CSMD1: variants seen among roughly 807,000 people sequenced by gnomAD.
CSMD1 encodes CUB and sushi domain-containing protein 1.
Under a neutral mutation model 417.5 loss-of-function variants are expected in CSMD1, and 213 were observed. That is an observed-to-expected ratio of 0.51 (90% CI 0.46 to 0.57). The LOEUF (loss-of-function observed/expected upper bound fraction) is 0.57. Among genes scored for constraint, CSMD1 ranks in the 20% least tolerant of loss-of-function variants. CSMD1 has a pLI of 0.00. For synonymous variants in CSMD1, 2,862 were observed against 1,736.8 expected (o/e 1.65, Z -16.11); for missense variants, 6,923 against 4,529.7 (o/e 1.53, Z -15.17).
At chr8:3,878,956 T>A (rs374593855) in intron 5 of CSMD1, among the ~76,000 whole-genome samples, 3 of 152,222 alleles carry the variant, frequency 2.0e-5, no homozygotes, top group South Asian at 4.1e-4. Flanking sequence ...TATGACTAAG[T>A]TTTTAAAATC....
At chr8:3,562,062 G>T (rs1799489642) in intron 10 of CSMD1, among the ~76,000 whole-genome samples, 1 of 151,862 alleles carries the variant, frequency 6.6e-6, no homozygotes, top group Non-Finnish European at 1.5e-5. Context: ...ACACTCTGCA[G>T]GTTTAGAGTA....
Position 4,314,967 on chromosome 8 carries a change from G to T in CSMD1, c.415+104986C>A, listed in dbSNP as rs531270851. 3.3e-5 allele frequency among the ~76,000 whole-genome samples: 5 copies of T among 152,224 alleles called. No individual in the cohort carries two copies. The East Asian group carries it at 7.7e-4, about 24-fold the overall frequency. ...TTGACATTCTACATGGTGGGAGGAG[G>T]TTTCACCTTCCCACATGGCTAATAG... On this transcript the variant is annotated intron_variant, in intron 3 of 69. Coordinates refer to ENST00000635120, the MANE Select transcript of CSMD1 (RefSeq NM_033225.6).
At chr8:3,215,847 G>C (rs1432949914) in intron 29 of CSMD1, among the ~76,000 whole-genome samples, 1 of 151,880 alleles carries the variant, frequency 6.6e-6, no homozygotes, top group Non-Finnish European at 1.5e-5. Flanking sequence ...GGAAGAAAAA[G>C]AGACCTGATT....
intron 3 of CSMD1, among the ~76,000 whole-genome samples, chr8:4,041,355 T>C (rs996731676): frequency 2.0e-5 from 3 of 152,126 alleles, no homozygotes; most frequent in East Asian, 1.9e-4. Context: ...AATTAATCCA[T>C]ATATAAATTT....
Position 4,931,421 on chromosome 8 carries a change from T to A in CSMD1, c.85+62911A>T, listed in dbSNP as rs547366830. Among the ~76,000 whole-genome samples the A allele has an allele frequency of 1.1e-4, 16 of 152,294 alleles. No homozygotes were observed. The South Asian group carries it at 3.3e-3, about 32-fold the overall frequency. On this transcript the variant is annotated intron_variant, in intron 1 of 69. Coordinates refer to ENST00000635120, the MANE Select transcript of CSMD1 (RefSeq NM_033225.6). ...GACACTGACTCGGGTCTTTGCTGGC[T>A]GGTTACCTTTAGTTGCCAATTTCAA...
chr8:4,638,080 A>C (rs947105041), intron 1 of CSMD1, among the ~76,000 whole-genome samples: 1 of 152,224 alleles, frequency 6.6e-6, no homozygotes, highest in African/African-American at 2.4e-5. Flanking sequence ...GAAAATATGC[A>C]ACATTTTGTA....
chr8:3,529,585 G>T (rs1797892654), intron 10 of CSMD1, among the ~76,000 whole-genome samples: 1 of 152,176 alleles, frequency 6.6e-6, no homozygotes. Context: ...AGAATCACAG[G>T]AATGCGATGC....
chr8:3,509,661 C>T (rs1796981690), intron 10 of CSMD1, among the ~76,000 whole-genome samples: 1 of 152,150 alleles, frequency 6.6e-6, no homozygotes, highest in Non-Finnish European at 1.5e-5. Context: ...ATCAACCTAA[C>T]AAAAAGAAAA....
intron 10 of CSMD1, among the ~76,000 whole-genome samples, chr8:3,568,599 A>G (rs1434035915): frequency 6.6e-6 from 1 of 152,142 alleles, no homozygotes. Flanking sequence ...GTGTATATCA[A>G]TGTATTTATC....
At chr8:3,499,835 G>C (rs1796521308) in intron 10 of CSMD1, among the ~76,000 whole-genome samples, 1 of 152,140 alleles carries the variant, frequency 6.6e-6, no homozygotes, top group Admixed American at 6.6e-5. Context: ...CCTGTGGGCA[G>C]GATGTACTCT....
chr8:3,723,637 GTGTC>G (rs2129045251), intron 6 of CSMD1, among the ~76,000 whole-genome samples: 1 of 146,518 alleles, frequency 6.8e-6, no homozygotes, highest in South Asian at 2.4e-4. Flanking sequence ...TAGACAAGTA[GTGTC>G]TGTCTTTGTA....
chr8:3,349,538 G>C (rs12541077), intron 21 of CSMD1, among the ~76,000 whole-genome samples: 3,637 of 151,934 alleles, frequency 0.024, 74 homozygotes, highest in East Asian at 0.081. Context: ...TGTGGCTCTC[G>C]GGGTGCAAGT....
chr8:3,921,067 G>A (rs930197940), intron 5 of CSMD1, among the ~76,000 whole-genome samples: 4 of 152,070 alleles, frequency 2.6e-5, no homozygotes, highest in African/African-American at 7.2e-5. Context: ...TTAAATGTTC[G>A]ATAAAATTTA....
chr8:3,480,588 T>C (rs1817686705), intron 11 of CSMD1, among the ~76,000 whole-genome samples: 2 of 152,068 alleles, frequency 1.3e-5, no homozygotes. Context: ...CAAAAAAATC[T>C]AAGTTAACCT....
At chr8:3,948,134 G>C (rs563802768) in intron 5 of CSMD1, among the ~76,000 whole-genome samples, 2 of 152,274 alleles carry the variant, frequency 1.3e-5, no homozygotes, top group African/African-American at 4.8e-5. Flanking sequence ...TTAACCGAGA[G>C]GCTTAGGTTG....
chr8:3,563,430 C>T (rs775790461), intron 10 of CSMD1, among the ~76,000 whole-genome samples: 42 of 55,828 alleles, frequency 7.5e-4, no homozygotes, highest in Admixed American at 1.7e-3. Context: ...AAATAGGTAA[C>T]GTATTAAAAG....
intron 25 of CSMD1, among the ~76,000 whole-genome samples, chr8:3,291,504 C>G (rs960435900): frequency 2.0e-5 from 3 of 151,924 alleles, no homozygotes; most frequent in African/African-American, 2.4e-5. Flanking sequence ...CAATTTCAGA[C>G]CCTGTTATTG....
intron 10 of CSMD1, among the ~76,000 whole-genome samples, chr8:3,544,040 G>A (rs1022117407): frequency 6.6e-6 from 1 of 152,078 alleles, no homozygotes; most frequent in African/African-American, 2.4e-5. Flanking sequence ...TTCCACAGGT[G>A]AAGTGTCCAG....
intron 10 of CSMD1, among the ~76,000 whole-genome samples, chr8:3,504,103 T>C (rs1416549558): frequency 1.3e-5 from 2 of 152,064 alleles, no homozygotes; most frequent in African/African-American, 4.8e-5. Context: ...TTTAAATGTC[T>C]CCAACACAAA....
Sources: gnomAD v4.1 joint callset for allele counts (sites outside exome capture counted in the v4.1 genomes callset) on GRCh38, gnomAD v4.1.1 for gene constraint, MANE v1.5 for transcripts, NCBI Gene and HGNC (gene_info 2026-07-23, HGNC 2026-07-21) for gene names.